Variants in PTCHD4 observed in about 807,000 individuals in gnomAD.
PTCHD4 encodes patched domain-containing protein 4.
In PTCHD4, 33 loss-of-function variants were observed where a neutral mutation model predicts 58.1. That is an observed-to-expected ratio of 0.57 (90% confidence interval 0.43 to 0.76). PTCHD4 has a LOEUF of 0.76. Among genes scored for constraint, PTCHD4 ranks in the 30% least tolerant of loss-of-function variants. PTCHD4 has a pLI of 0.00. For missense variants in PTCHD4, 1,058 were observed against 1,027.1 expected, an observed-to-expected ratio of 1.03 and a Z score of -0.41; for synonymous variants, 478 against 409.6, an observed-to-expected ratio of 1.17 and a Z score of -2.02.
chr6:47,971,095 G>A (rs762220137), intron 4 of PTCHD4, among the ~76,000 whole-genome samples: 13 of 152,092 alleles, frequency 8.5e-5, no homozygotes, highest in Non-Finnish European at 1.8e-4. Flanking sequence ...AGACACCAAG[G>A]GATCACAAGA....
chr6:47,934,137 A>C (rs1028435959), intron 4 of PTCHD4, among the ~76,000 whole-genome samples: 2 of 152,128 alleles, frequency 1.3e-5, no homozygotes, highest in Non-Finnish European at 2.9e-5. Flanking sequence ...GCGAAACTCC[A>C]ACTAGCTTGC....
chr6:47,992,814 C>T (rs1372592174), intron 4 of PTCHD4, among the ~76,000 whole-genome samples: 1 of 152,088 alleles, frequency 6.6e-6, no homozygotes, highest in Admixed American at 6.5e-5. Flanking sequence ...GAATTAAACA[C>T]AGACACGCCC....
chr6:47,960,952 CT>C (rs1296832104), intron 4 of PTCHD4, among the ~76,000 whole-genome samples: 2,892 of 137,976 alleles, frequency 0.021, 45 homozygotes, highest in South Asian at 0.052. Context: ...ACCTAGCTGC[CT>C]TTTTTTTTTA....
intron 3 of PTCHD4, among the ~76,000 whole-genome samples, chr6:48,019,318 C>T (rs909436553): frequency 6.6e-6 from 1 of 151,926 alleles, no homozygotes; most frequent in African/African-American, 2.4e-5. Flanking sequence ...AGCTACAGTG[C>T]CTATCTTCAA....
intron 3 of PTCHD4, among the ~76,000 whole-genome samples, chr6:48,038,369 T>A (rs955089225): frequency 3.9e-5 from 6 of 151,984 alleles, no homozygotes; most frequent in African/African-American, 1.4e-4. Context: ...AGGCTGCATG[T>A]GGCAGCTCAT....
chr6:48,077,244 G>T (rs77667519), intron 1 of PTCHD4, among the ~76,000 whole-genome samples: 3 of 152,188 alleles, frequency 2.0e-5, no homozygotes, highest in Non-Finnish European at 4.4e-5. Context: ...CTAGGATTTT[G>T]GGAATGATCA....
At chr6:47,929,904 T>C (rs1463918389) in intron 4 of PTCHD4, among the ~76,000 whole-genome samples, 1 of 152,216 alleles carries the variant, frequency 6.6e-6, no homozygotes, top group African/African-American at 2.4e-5. Flanking sequence ...TCGGAGACCA[T>C]GCTAGACAGA....
At position 48,005,400 on chromosome 6, in the gene PTCHD4, G is replaced by A. The variant is rs559750768; in HGVS notation, c.898+3234C>T. ...GAATAGAAATAGAGGTTTACTAGAA[G>A]AGTTGGGCTTCTTTCCCTTATACCC... On this transcript the variant is annotated intron_variant, in intron 4 of 4. Transcript: ENST00000339488. Among the ~76,000 whole-genome samples, 9 of 152,300 alleles carry A rather than the reference G, an allele frequency of 5.9e-5. 1 individual carries two copies. The Middle Eastern group carries it at 0.01, about 173-fold the overall frequency.
chr6:47,971,874 A>T (rs1394663354), intron 4 of PTCHD4, among the ~76,000 whole-genome samples: 3 of 152,204 alleles, frequency 2.0e-5, no homozygotes, highest in African/African-American at 7.2e-5. Context: ...AGAGGGCTCC[A>T]GGAGTGACTG....
chr6:47,959,756 C>T (rs149529472), intron 4 of PTCHD4, among the ~76,000 whole-genome samples: 1 of 151,388 alleles, frequency 6.6e-6, no homozygotes. Flanking sequence ...ATGGAACAAC[C>T]TCTTTAAAAT....
At chr6:48,044,558 G>A (rs1046856499) in intron 3 of PTCHD4, among the ~76,000 whole-genome samples, 1 of 151,774 alleles carries the variant, frequency 6.6e-6, no homozygotes, top group African/African-American at 2.4e-5. Context: ...ATAAAGTGGG[G>A]GTTGGCAATG....
At chr6:48,002,147 T>C (rs1768750402) in intron 4 of PTCHD4, among the ~76,000 whole-genome samples, 2 of 152,188 alleles carry the variant, frequency 1.3e-5, no homozygotes, top group Admixed American at 6.5e-5. Flanking sequence ...ATAGGAATAC[T>C]TTTACACTGT....
At chr6:47,911,204 G>T (rs910728295) in intron 4 of PTCHD4, among the ~76,000 whole-genome samples, 3 of 152,080 alleles carry the variant, frequency 2.0e-5, no homozygotes, top group African/African-American at 4.8e-5. Flanking sequence ...AGAGCAAGGG[G>T]ATAAAAAATA....
chr6:47,983,677 T>C (rs901046372), intron 4 of PTCHD4, among the ~76,000 whole-genome samples: 3 of 152,108 alleles, frequency 2.0e-5, no homozygotes, highest in Non-Finnish European at 2.9e-5. Flanking sequence ...ATAAAGAAGA[T>C]AGTAAATTAC....
intron 3 of PTCHD4, among the ~76,000 whole-genome samples, chr6:48,017,244 T>A (rs1397127690): frequency 2.0e-5 from 3 of 152,186 alleles, no homozygotes; most frequent in Admixed American, 1.3e-4. Flanking sequence ...CAGAACTTCA[T>A]ATTTAGTAGA....
intron 4 of PTCHD4, among the ~76,000 whole-genome samples, chr6:47,939,171 C>G (rs562924676): frequency 1.5e-4 from 23 of 152,264 alleles, no homozygotes; most frequent in African/African-American, 5.3e-4. Flanking sequence ...GGTCCAAGAA[C>G]TAAGACACCA....
chr6:47,878,924 G>A lies in PTCHD4; in HGVS notation c.1911C>T (p.Phe637=), dbSNP rs1195762588. 6 of 1,613,250 alleles carry A rather than the reference G, an allele frequency of 3.7e-6. No homozygotes were observed. The highest frequency in any genetic ancestry group is 4.2e-6 in the Non-Finnish European group (5 of 1,179,770). Residue 637 remains phenylalanine (F), a synonymous_variant, in exon 5 of 5, where the codon TTC becomes TTT. Transcript: ENST00000339488. ...AGACAAAGGAGGGGTTGAACACGAT[G>A]AATCGGATGCTCTTTGAGAGGGATA... ...RPLSLSKSIR[F]IVFNPSFVFM...
Position 48,068,624 on chromosome 6 carries a change from G to T in PTCHD4, c.23C>A (p.Ala8Glu), listed in dbSNP as rs932484065. 5 of 1,562,468 alleles carry T rather than the reference G, an allele frequency of 3.2e-6. No individual in the cohort carries two copies. In the Admixed American group the frequency reaches 5.7e-5, roughly 18 times the overall value. The change falls in exon 3 of 5, where the codon GCG (alanine) becomes GAG (glutamate). Residue 8 changes from alanine (A) to glutamate (E), a missense_variant. By Grantham distance (107) the Ala-to-Glu change is moderately radical. Coordinates refer to ENST00000339488, the MANE Select transcript of PTCHD4 (RefSeq NM_001384253.1). The surrounding 1 kb of genome is among the most constrained non-coding windows in gnomAD (Gnocchi z 4.2). Reference sequence around the variant, plus strand: ...CAGCATCCTCCACCAGATCCAGCTCGCAGGCGCTCCCGGCCGTCTTAAAAA... The same window carrying T: ...CAGCATCCTCCACCAGATCCAGCTCTCAGGCGCTCCCGGCCGTCTTAAAAA... MRRPGAP[A>E]SWIWWRMLRQ... is the part of the protein sequence containing the mutation.
Position 47,862,620 on chromosome 6 carries a change from A to C in PTCHD4, c.*15683T>G, listed in dbSNP as rs930083933. Among the ~76,000 whole-genome samples, 1 of 151,802 alleles carries C rather than the reference A, an allele frequency of 6.6e-6. No homozygotes were observed. The highest frequency in any genetic ancestry group is 1.5e-5 in the Non-Finnish European group (1 of 67,832). ...AATTGTACTGGGACAGAAGGGAAAA[A>C]TTAGTTCTGTGTTATTTTAATTGAA... On this transcript the variant is annotated 3_prime_UTR_variant, in exon 5 of 5. Coordinates refer to ENST00000339488, the MANE Select transcript of PTCHD4 (RefSeq NM_001384253.1).
Sources: gnomAD v4.1 joint callset for allele counts (sites outside exome capture counted in the v4.1 genomes callset) on GRCh38, gnomAD v4.1.1 for gene constraint, Gnocchi (gnomAD v3.1) non-coding constraint, MANE v1.5 for transcripts, NCBI Gene and HGNC (gene_info 2026-07-23, HGNC 2026-07-21) for gene names.